The following SLC35F3 variants were observed in gnomAD, a reference collection of about 807,000 sequenced individuals.
The protein encoded by SLC35F3 is solute carrier family 35 member F3, also known as putative thiamine transporter SLC35F3.
A neutral mutation model predicts 49.9 loss-of-function variants in SLC35F3; 25 were observed. The observed-to-expected ratio is 0.50, with a 90% CI of 0.37 to 0.70. The LOEUF is 0.70. Ranked by LOEUF, SLC35F3 falls within the 30% of genes least tolerant of loss-of-function variation. The probability of loss-of-function intolerance (pLI) is 0.00; values close to 1 mark genes in which losing one functional copy is unlikely to be tolerated. For missense variants in SLC35F3, 525 were observed against 639.8 expected (o/e 0.82, Z 1.94); for synonymous variants, 275 against 265.4 (o/e 1.04, Z -0.35).
intron 2 of SLC35F3, among the ~76,000 whole-genome samples, chr1:234,042,042 A>G (rs12086593): frequency 1.4e-4 from 21 of 152,088 alleles, no homozygotes; most frequent in African/African-American, 5.1e-4. Flanking sequence ...TCTCCCTCCT[A>G]CTGCTAGACA....
intron 2 of SLC35F3, among the ~76,000 whole-genome samples, chr1:234,126,418 A>T (rs965498727): frequency 6.6e-6 from 1 of 151,742 alleles, no homozygotes; most frequent in African/African-American, 2.4e-5. Context: ...AAACTGTAGT[A>T]CCATGTGACA....
intron 2 of SLC35F3, among the ~76,000 whole-genome samples, chr1:234,156,961 G>A (rs187415181): frequency 6.6e-6 from 1 of 152,204 alleles, no homozygotes; most frequent in East Asian, 1.9e-4. Context: ...GGTTGAGGAG[G>A]GTGGGAAATA....
chr1:233,917,273 G>A (rs955643978), intron 2 of SLC35F3, among the ~76,000 whole-genome samples: 3 of 152,044 alleles, frequency 2.0e-5, no homozygotes, highest in African/African-American at 4.8e-5. Flanking sequence ...TCTATATTAT[G>A]TACATAATTT....
At chr1:234,211,309 T>C (rs1220207265) in intron 2 of SLC35F3, among the ~76,000 whole-genome samples, 1 of 152,234 alleles carries the variant, frequency 6.6e-6, no homozygotes, top group Non-Finnish European at 1.5e-5. Context: ...CAGTCCCTAC[T>C]GGGGCACTGC....
chr1:234,158,895 A>G (rs969874186), intron 2 of SLC35F3, among the ~76,000 whole-genome samples: 1 of 152,222 alleles, frequency 6.6e-6, no homozygotes, highest in Non-Finnish European at 1.5e-5. Flanking sequence ...TGCTTTATAG[A>G]TAAGAAAACT....
chr1:234,182,826 A>T (rs919869126), intron 2 of SLC35F3, among the ~76,000 whole-genome samples: 1 of 152,198 alleles, frequency 6.6e-6, no homozygotes, highest in African/African-American at 2.4e-5. Context: ...AATGAGATTG[A>T]GCATATAGTG....
chr1:234,176,977 A>T (rs1666485445), intron 2 of SLC35F3, among the ~76,000 whole-genome samples: 1 of 152,128 alleles, frequency 6.6e-6, no homozygotes, highest in Non-Finnish European at 1.5e-5. Context: ...GTTGTGGTTG[A>T]TATGGTTTGG....
At chr1:234,108,469 AAAG>A (rs1665328813) in intron 2 of SLC35F3, among the ~76,000 whole-genome samples, 2 of 83,632 alleles carry the variant, frequency 2.4e-5, no homozygotes, top group Admixed American at 3.1e-4. Context: ...TATATATATA[AAAG>A]ATATATATAT....
chr1:234,012,094 C>T (rs1249539870), intron 2 of SLC35F3, among the ~76,000 whole-genome samples: 5 of 152,122 alleles, frequency 3.3e-5, no homozygotes, highest in African/African-American at 9.7e-5. Context: ...GAATCTGTGT[C>T]ATAATTAAGT....
At chr1:234,265,104 T>C (rs1218185047) in intron 3 of SLC35F3, among the ~76,000 whole-genome samples, 1 of 152,164 alleles carries the variant, frequency 6.6e-6, no homozygotes, top group African/African-American at 2.4e-5. Flanking sequence ...GACCCCCAGA[T>C]GCATGCCCTC....
chr1:234,007,667 T>G (rs1278078589), intron 2 of SLC35F3, among the ~76,000 whole-genome samples: 2 of 152,234 alleles, frequency 1.3e-5, no homozygotes, highest in Non-Finnish European at 2.9e-5. Flanking sequence ...ACAGCACAGC[T>G]TGGAACCCAC....
In SLC35F3 at chr1:234,323,334, G is replaced by A; in HGVS notation, c.*91G>A. On this transcript the variant is annotated 3_prime_UTR_variant, in exon 8 of 8. Transcript: ENST00000366618. The surrounding 1 kb of genome is among the most constrained non-coding windows in gnomAD (Gnocchi z 4.5). ...TGGGTAAGGTGTACATACCTGTACA[G>A]TTTTGGTCATCTGCGGTAAGTTCTA... The A allele has an allele frequency of 1.8e-6, 2 of 1,142,524 alleles. No individual in the cohort carries two copies. Among genetic ancestry groups the A allele is most frequent in the South Asian group, 1.5e-5 (1 of 67,168 alleles). The allele number at this position is 1,142,524 out of a possible 1,614,324, so 70.8% of individuals were successfully genotyped here.
At chr1:234,031,476 G>T (rs148542455) in intron 2 of SLC35F3, among the ~76,000 whole-genome samples, 2 of 152,192 alleles carry the variant, frequency 1.3e-5, no homozygotes, top group Non-Finnish European at 2.9e-5. Flanking sequence ...AATGAGCCTT[G>T]TATTGCTCCA....
At position 234,304,022 on chromosome 1, in the gene SLC35F3, C is replaced by CTTCCTTCCTTCG. The variant is rs1558104633; in HGVS notation, c.609-5068_609-5067insGTTCCTTCCTTC. Reference sequence around the variant, plus strand: ...TTATCCTTCCTTCCTTCCTTCCTTCCTTCCTTCCTTCCTTCCTTCCTTCTT... The same window carrying CTTCCTTCCTTCG: ...TTATCCTTCCTTCCTTCCTTCCTTCCTTCCTTCCTTCGTTCCTTCCTTCCTTCCTTCCTTCTT... On this transcript the variant is annotated intron_variant, in intron 3 of 7. Coordinates refer to ENST00000366618, the MANE Select transcript of SLC35F3 (RefSeq NM_173508.4). Among the ~76,000 whole-genome samples, 53 of 93,924 alleles carry CTTCCTTCCTTCG rather than the reference C, an allele frequency of 5.6e-4. No homozygotes were observed. In the South Asian group the frequency reaches 0.015, roughly 27 times the overall value. The allele number at this position is 93,924 out of a possible 152,430, so 61.6% of individuals were successfully genotyped here. A position where few individuals can be genotyped will look rare whatever the true frequency, so the allele number is the denominator to read the frequency against.
At chr1:233,991,619 G>A (rs1434605010) in intron 2 of SLC35F3, among the ~76,000 whole-genome samples, 2 of 152,002 alleles carry the variant, frequency 1.3e-5, no homozygotes, top group Non-Finnish European at 2.9e-5. Flanking sequence ...ATAGTGTTAA[G>A]GAAAACTTAC....
intron 2 of SLC35F3, among the ~76,000 whole-genome samples, chr1:234,075,064 A>G (rs1664773631): frequency 6.6e-6 from 1 of 152,212 alleles, no homozygotes; most frequent in African/African-American, 2.4e-5. Flanking sequence ...GAAAAGTTTA[A>G]TTTTACATGG....
intron 2 of SLC35F3, among the ~76,000 whole-genome samples, chr1:233,925,135 G>T (rs979393255): frequency 2.0e-5 from 3 of 152,204 alleles, no homozygotes; most frequent in African/African-American, 7.2e-5. Flanking sequence ...GGGTTCTGTA[G>T]ATGTCTATTA....
At chr1:234,253,348 TA>T (rs201475684) in intron 3 of SLC35F3, among the ~76,000 whole-genome samples, 59 of 141,984 alleles carry the variant, frequency 4.2e-4, no homozygotes, top group African/African-American at 1.3e-3. Context: ...TAATAATAAT[TA>T]AAAAAAAAAC....
intron 2 of SLC35F3, among the ~76,000 whole-genome samples, chr1:234,015,601 A>G (rs1399521745): frequency 6.6e-6 from 1 of 152,208 alleles, no homozygotes; most frequent in Non-Finnish European, 1.5e-5. Context: ...AAAACTGGAT[A>G]TCTACATGCA....
Sources: allele counts gnomAD v4.1 joint callset (sites outside exome capture counted in the v4.1 genomes callset), GRCh38; gene constraint gnomAD v4.1.1; non-coding constraint Gnocchi (gnomAD v3.1); transcripts MANE v1.5; gene names NCBI Gene and HGNC (gene_info 2026-07-23, HGNC 2026-07-21).